The following KCNQ1 variants were observed in gnomAD, a reference collection of about 807,000 sequenced individuals.
KCNQ1 encodes potassium voltage-gated channel subfamily KQT member 1.
In KCNQ1, 49 loss-of-function variants were observed where a neutral mutation model predicts 72.4. That is an observed-to-expected ratio of 0.68 (90% CI 0.54 to 0.86). The LOEUF is 0.86. Among genes scored for constraint, KCNQ1 ranks in the 40% least tolerant of loss-of-function variants. The probability of loss-of-function intolerance (pLI) is 0.00; values close to 1 mark genes in which losing one functional copy is unlikely to be tolerated. For missense variants in KCNQ1, 790 were observed against 945.1 expected (o/e 0.84, Z 2.15); for synonymous variants, 450 against 412.6 (o/e 1.09, Z -1.10).
At position 2,745,271 on chromosome 11, in the gene KCNQ1, C is replaced by G. The variant is rs530287323; in HGVS notation, c.1515-23573C>G. On this transcript the variant is annotated intron_variant, in intron 11 of 15. Coordinates refer to ENST00000155840, the MANE Select transcript of KCNQ1 (RefSeq NM_000218.3). The surrounding 1 kb of genome is among the most constrained non-coding windows in gnomAD (Gnocchi z 6.2). ...TCTCTCTCATGTTGCGTTTTCTCCT[C>G]CAAGAACAAGGAGTCTCTCTGCATT... is the stretch of plus-strand genomic sequence containing the variant. 1.3e-5 allele frequency among the ~76,000 whole-genome samples: 2 copies of G among 152,278 alleles called. No homozygotes were observed. Among genetic ancestry groups the G allele is most frequent in the Admixed American group, 6.5e-5 (1 of 15,300 alleles).
At chr11:2,490,839 C>T (rs1024770762) in intron 1 of KCNQ1, among the ~76,000 whole-genome samples, 7 of 152,146 alleles carry the variant, frequency 4.6e-5, no homozygotes, top group African/African-American at 9.7e-5. Flanking sequence ...TAGGCATGTG[C>T]CATCATGCCT....
In KCNQ1 at chr11:2,541,491, C is replaced by T. The variant is rs957818520; in HGVS notation, c.477+13473C>T. 2.0e-5 allele frequency among the ~76,000 whole-genome samples: 3 copies of T among 151,992 alleles called. No homozygotes were observed. Among genetic ancestry groups the T allele is most frequent in the Non-Finnish European group, 2.9e-5 (2 of 68,016 alleles). Reference sequence around the variant, plus strand: ...GGGAGGGACTGAGCTGGGCCCTTTTCGTTGGTTAGTTCTCAGTGTGGCCTA... The same window carrying T: ...GGGAGGGACTGAGCTGGGCCCTTTTTGTTGGTTAGTTCTCAGTGTGGCCTA... On this transcript the variant is annotated intron_variant, in intron 2 of 15. Transcript: ENST00000155840. This position sits in a 1 kb window ranked among gnomAD's most constrained non-coding sequence, Gnocchi z 4.8.
chr11:2,680,537 G>T, intron 11 of KCNQ1: 1 of 398,254 alleles, frequency 2.5e-6, no homozygotes, highest in East Asian at 3.6e-5. Flanking sequence ...CATTTCTCAT[G>T]CAGTTCTAAG....
chr11:2,823,330 A>C (rs77239547), intron 15 of KCNQ1, among the ~76,000 whole-genome samples: 8,208 of 152,316 alleles, frequency 0.054, 718 homozygotes, highest in African/African-American at 0.18. Context: ...AGTATCTATC[A>C]AGGGTGAGGA....
At chr11:2,461,346 A>G (rs1342650814) in intron 1 of KCNQ1, 19 of 1,084,990 alleles carry the variant, frequency 1.8e-5, no homozygotes, top group Non-Finnish European at 2.3e-5. Flanking sequence ...TTCCTGAAAT[A>G]GCCTCTGAAG....
chr11:2,703,002 C>A lies in KCNQ1; in HGVS notation c.1514+40921C>A, dbSNP rs141371054. The stretch of plus-strand genomic sequence containing the variant: ...GGGAAGAGTGGAGAGGAAAACAGGC[C>A]GAGACTGAGAGGGGTTTGTTGTCTC... On this transcript the variant is annotated intron_variant, in intron 11 of 15. Transcript: ENST00000155840. This position sits in a 1 kb window ranked among gnomAD's most constrained non-coding sequence, Gnocchi z 6.4. Among the ~76,000 whole-genome samples, 389 of 152,182 alleles carry A rather than the reference C, an allele frequency of 2.6e-3. No homozygotes were observed. The highest frequency in any genetic ancestry group is 8.7e-3 in the African/African-American group (359 of 41,502).
intron 11 of KCNQ1, chr11:2,666,413 G>T (rs917346596): frequency 7.5e-6 from 3 of 398,546 alleles, no homozygotes; most frequent in South Asian, 1.3e-4. Context: ...AAACAGCCCC[G>T]TGTGCGTTAA....
chr11:2,582,931 C>G (rs1489963501), intron 6 of KCNQ1, among the ~76,000 whole-genome samples: 1 of 152,182 alleles, frequency 6.6e-6, no homozygotes, highest in Non-Finnish European at 1.5e-5. Context: ...AAGGCTTGAG[C>G]TGCATCTTGT....
Position 2,526,274 on chromosome 11 carries a change from A to G in KCNQ1, c.387-1654A>G, listed in dbSNP as rs1267248495. Among the ~76,000 whole-genome samples, 3 of 149,708 alleles carry G rather than the reference A, an allele frequency of 2.0e-5. No homozygotes were observed. The highest frequency in any genetic ancestry group is 7.4e-5 in the African/African-American group (3 of 40,580). ...GGAGGTGGGCACTGTGGTCAGGGGG[A>G]GATGAGGATGGATGGGCAGGGTGCA... On this transcript the variant is annotated intron_variant, in intron 1 of 15. Transcript: ENST00000155840. This position sits in a 1 kb window ranked among gnomAD's most constrained non-coding sequence, Gnocchi z 6.1.
At chr11:2,839,426 T>C (rs940083258) in intron 15 of KCNQ1, among the ~76,000 whole-genome samples, 1 of 152,242 alleles carries the variant, frequency 6.6e-6, no homozygotes, top group African/African-American at 2.4e-5. Flanking sequence ...CAGCTCTGGC[T>C]CTGGCACAAA....
intron 11 of KCNQ1, among the ~76,000 whole-genome samples, chr11:2,701,147 T>C (rs759247170): frequency 6.6e-6 from 1 of 152,204 alleles, no homozygotes; most frequent in Non-Finnish European, 1.5e-5. Flanking sequence ...GCCATTCATC[T>C]TCACTGCCTC....
chr11:2,696,060 G>C (rs1407082434), intron 11 of KCNQ1: 1 of 398,576 alleles, frequency 2.5e-6, no homozygotes. Context: ...TATGAAAACA[G>C]TCTTGACCCT....
chr11:2,556,719 G>A (rs1385954667), intron 2 of KCNQ1, among the ~76,000 whole-genome samples: 1 of 152,188 alleles, frequency 6.6e-6, no homozygotes, highest in African/African-American at 2.4e-5. Context: ...GCAGTCACAC[G>A]CAAATTCTTA....
intron 6 of KCNQ1, among the ~76,000 whole-genome samples, chr11:2,582,265 C>T (rs1006422872): frequency 6.6e-6 from 1 of 152,186 alleles, no homozygotes; most frequent in Non-Finnish European, 1.5e-5. Flanking sequence ...CCGGGGGTGG[C>T]CATGGGGCTT....
At chr11:2,461,591 T>C (rs1270528071) in intron 1 of KCNQ1, 1 of 1,358,584 alleles carries the variant, frequency 7.4e-7, no homozygotes, top group Admixed American at 1.9e-5. Context: ...TGCTTTTGTT[T>C]ACGTGGCCCC....
In KCNQ1 at chr11:2,704,404, A is replaced by G. The variant is rs1446070561; in HGVS notation, c.1514+42323A>G. On this transcript the variant is annotated intron_variant, in intron 11 of 15. Coordinates refer to ENST00000155840, the MANE Select transcript of KCNQ1 (RefSeq NM_000218.3). This position sits in a 1 kb window ranked among gnomAD's most constrained non-coding sequence, Gnocchi z 4.3. ...ACATGTTTACTTGACTTCCTGCCCCAGGTCTCTGCTGTACCCACAGGTGGC... is the reference window on the plus strand; with the variant it reads ...ACATGTTTACTTGACTTCCTGCCCCGGGTCTCTGCTGTACCCACAGGTGGC... Among the ~76,000 whole-genome samples, 1 of 152,194 alleles carries G rather than the reference A, an allele frequency of 6.6e-6. No homozygotes were observed. The highest frequency in any genetic ancestry group is 1.5e-5 in the Non-Finnish European group (1 of 68,038).
At chr11:2,756,695 G>A (rs1477875213) in intron 11 of KCNQ1, among the ~76,000 whole-genome samples, 2 of 151,784 alleles carry the variant, frequency 1.3e-5, no homozygotes, top group East Asian at 3.9e-4. Context: ...AAAGCAATCC[G>A]CCCACCTTGG....
At chr11:2,706,074 C>T (rs560277111) in intron 11 of KCNQ1, among the ~76,000 whole-genome samples, 36 of 152,354 alleles carry the variant, frequency 2.4e-4, no homozygotes, top group Non-Finnish European at 5.0e-4. Context: ...GGGAAACCTA[C>T]CTGGGGTACC....
chr11:2,618,348 C>T, intron 10 of KCNQ1: 1 of 398,532 alleles, frequency 2.5e-6, no homozygotes, highest in Non-Finnish European at 4.4e-6. Context: ...ACAAAGTTTA[C>T]AAATTTGTGT....
Sources: gnomAD v4.1 joint callset for allele counts (sites outside exome capture counted in the v4.1 genomes callset) on GRCh38, gnomAD v4.1.1 for gene constraint, Gnocchi (gnomAD v3.1) non-coding constraint, MANE v1.5 for transcripts, NCBI Gene and HGNC (gene_info 2026-07-23, HGNC 2026-07-21) for gene names.